The following PEX2 variants were observed in gnomAD, a reference collection of about 807,000 sequenced individuals.
PEX2 encodes peroxisome biogenesis factor 2.
In PEX2, 19 loss-of-function variants were observed where a neutral mutation model predicts 25.2. The ratio of observed to expected loss-of-function variants is 0.75; its 90% CI spans 0.53 to 1.10. PEX2 has a LOEUF of 1.10. Ranked by LOEUF, PEX2 falls within the 50% of genes least tolerant of loss-of-function variation. PEX2 has a pLI of 0.00. For missense variants in PEX2, 347 were observed against 350.6 expected (o/e 0.99, Z 0.08); for synonymous variants, 141 against 127.7 (o/e 1.10, Z -0.70).
chr8:76,989,612 C>T (rs1273486404), intron 1 of PEX2, among the ~76,000 whole-genome samples: 1 of 152,140 alleles, frequency 6.6e-6, no homozygotes. Context: ...GGCATGAAAA[C>T]ATTAATCTCC....
rs146402705 is a variant in PEX2 at position 76,984,190 on chromosome 8, AG to A, written c.-13del. On this transcript the variant is annotated 5_prime_UTR_variant, in exon 4 of 4. Coordinates refer to ENST00000357039, the MANE Select transcript of PEX2 (RefSeq NM_000318.3). ...TTTCTGGAAGCCATGTCTTCTCTGAAGGTCTCTAGGAAAAAATACAATTGAA... is the reference window on the plus strand; with the variant it reads ...TTTCTGGAAGCCATGTCTTCTCTGAAGTCTCTAGGAAAAAATACAATTGAA... The A allele has an allele frequency of 9.6e-4, 1,550 of 1,613,478 alleles. 14 individuals carry two copies. The African/African-American group carries it at 0.018, about 19-fold the overall frequency.
chr8:76,983,934 T>C lies in PEX2; in HGVS notation c.245A>G (p.Asn82Ser). The C allele has an allele frequency of 1.2e-6, 2 of 1,614,172 alleles. No individual in the cohort carries two copies. Among genetic ancestry groups the C allele is most frequent in the Non-Finnish European group, 1.7e-6 (2 of 1,180,034 alleles). The change falls in exon 4 of 4, where the codon AAT becomes AGT. Residue 82 changes from asparagine to serine, a missense_variant. Physicochemically the swap from Asn to Ser is conservative, Grantham distance 46. Transcript: ENST00000357039. ...GGAAAAATCATTTTTGTACTTAATA[T>C]TCAAAACTGACTGTCCCACTGTGGC... is the stretch of plus-strand genomic sequence containing the variant. ...KNATVGQSVLNIKYKNDFSPN... is the reference protein window; with the variant it reads ...KNATVGQSVLSIKYKNDFSPN...
chr8:76,984,188 G>A lies in PEX2; in HGVS notation c.-10C>T, dbSNP rs2132045107. The A allele has an allele frequency of 6.2e-7, 1 of 1,613,538 alleles. No individual in the cohort carries two copies. The highest frequency in any genetic ancestry group is 8.5e-7 in the Non-Finnish European group (1 of 1,179,608). ...CTTTTCTGGAAGCCATGTCTTCTCT[G>A]AAGGTCTCTAGGAAAAAATACAATT... On this transcript the variant is annotated 5_prime_UTR_variant, in exon 4 of 4. The change creates a premature stop within an existing upstream ORF in the 5' untranslated region. Coordinates refer to ENST00000357039, the MANE Select transcript of PEX2 (RefSeq NM_000318.3).
chr8:76,992,524 C>T (rs911400746), intron 1 of PEX2, among the ~76,000 whole-genome samples: 2 of 151,966 alleles, frequency 1.3e-5, no homozygotes, highest in Non-Finnish European at 2.9e-5. Flanking sequence ...ATGATGAAAT[C>T]AAAATAACTA....
intron 1 of PEX2, among the ~76,000 whole-genome samples, chr8:76,998,291 G>A (rs1807394363): frequency 6.6e-6 from 1 of 152,198 alleles, no homozygotes; most frequent in South Asian, 2.1e-4. Flanking sequence ...TACCTTTAAC[G>A]TTCAGGTACC....
chr8:76,989,813 C>A (rs1703030662), intron 1 of PEX2, among the ~76,000 whole-genome samples: 1 of 152,136 alleles, frequency 6.6e-6, no homozygotes, highest in South Asian at 2.1e-4. Flanking sequence ...GTAGTTCTAG[C>A]ATAATTCTTA....
In PEX2 at chr8:77,000,077, T is replaced by C. The variant is rs919208479; in HGVS notation, c.-247A>G. Reference sequence around the variant, plus strand: ...TTGTCTTTTCCTAGCCGAATCTGGATTACCAAGGCTTCCGGAACTCGCAGG... The same window carrying C: ...TTGTCTTTTCCTAGCCGAATCTGGACTACCAAGGCTTCCGGAACTCGCAGG... On this transcript the variant is annotated 5_prime_UTR_variant, in exon 1 of 4. Transcript: ENST00000357039. The C allele has an allele frequency of 3.2e-5, 13 of 400,746 alleles. No individual in the cohort carries two copies. The highest frequency in any genetic ancestry group is 5.4e-5 in the Non-Finnish European group (11 of 202,382). 24.8% of individuals were successfully genotyped at this position (400,746 alleles called of 1,614,324 possible).
intron 1 of PEX2, among the ~76,000 whole-genome samples, chr8:76,999,601 T>G (rs989207059): frequency 6.6e-6 from 1 of 152,192 alleles, no homozygotes; most frequent in African/African-American, 2.4e-5. Context: ...TTACATGAAC[T>G]TTCAGATATT....
chr8:76,995,260 G>C (rs1807290121), intron 1 of PEX2, among the ~76,000 whole-genome samples: 1 of 152,170 alleles, frequency 6.6e-6, no homozygotes, highest in South Asian at 2.1e-4. Flanking sequence ...TTTGGGTATA[G>C]CCAAGATATG....
At chr8:76,991,592 A>G (rs1807170395) in intron 1 of PEX2, among the ~76,000 whole-genome samples, 1 of 152,230 alleles carries the variant, frequency 6.6e-6, no homozygotes, top group Non-Finnish European at 1.5e-5. Flanking sequence ...AACATAGAAC[A>G]GACACTGTCT....
chr8:76,995,271 T>A (rs1807290484), intron 1 of PEX2, among the ~76,000 whole-genome samples: 1 of 152,254 alleles, frequency 6.6e-6, no homozygotes, highest in African/African-American at 2.4e-5. Flanking sequence ...CCAAGATATG[T>A]GAAATTTTAA....
chr8:76,997,817 G>A (rs1022132568), intron 1 of PEX2, among the ~76,000 whole-genome samples: 2 of 152,144 alleles, frequency 1.3e-5, no homozygotes, highest in Non-Finnish European at 2.9e-5. Flanking sequence ...TATCCCACAC[G>A]GAGAAAGGCA....
At chr8:76,992,941 T>C (rs941818645) in intron 1 of PEX2, among the ~76,000 whole-genome samples, 3 of 152,122 alleles carry the variant, frequency 2.0e-5, no homozygotes, top group Admixed American at 1.3e-4. Flanking sequence ...AGGAAAATGG[T>C]ATGTAAGGCA....
chr8:76,988,461 A>G (rs1807067941), intron 1 of PEX2, 123 bp from the exon 2 acceptor site: 1 of 152,256 alleles, frequency 6.6e-6, no homozygotes, highest in Non-Finnish European at 1.5e-5. Flanking sequence ...CTGTGCCTTA[A>G]AAACAATGTA....
intron 1 of PEX2, among the ~76,000 whole-genome samples, chr8:76,998,249 T>G (rs1017404127): frequency 6.6e-6 from 1 of 152,186 alleles, no homozygotes. Context: ...CTGAGCTCTT[T>G]TAATGGGTGT....
At chr8:76,997,676 A>G (rs1243412030) in intron 1 of PEX2, among the ~76,000 whole-genome samples, 1 of 152,262 alleles carries the variant, frequency 6.6e-6, no homozygotes, top group African/African-American at 2.4e-5. Flanking sequence ...ATGGAATTTT[A>G]TCTCATCTTA....
intron 1 of PEX2, among the ~76,000 whole-genome samples, chr8:76,991,314 T>C (rs2132054048): frequency 6.6e-6 from 1 of 152,248 alleles, no homozygotes; most frequent in East Asian, 1.9e-4. Flanking sequence ...TTTAACAATA[T>C]TTATTATCAA....
intron 1 of PEX2, among the ~76,000 whole-genome samples, chr8:76,994,581 ATGCATAC>A: frequency 6.6e-6 from 1 of 152,174 alleles, no homozygotes; most frequent in South Asian, 2.1e-4. Context: ...ATATTTGTCA[ATGCATAC>A]TGTCTACAAA....
chr8:76,994,658 A>G (rs1295020035), intron 1 of PEX2, among the ~76,000 whole-genome samples: 1 of 152,116 alleles, frequency 6.6e-6, no homozygotes, highest in Non-Finnish European at 1.5e-5. Flanking sequence ...ATTCTCAAGT[A>G]ATCTCTACTG....
Sources: gnomAD v4.1 joint callset for allele counts (sites outside exome capture counted in the v4.1 genomes callset) on GRCh38, gnomAD v4.1.1 for gene constraint, MANE v1.5 for transcripts, NCBI Gene and HGNC (gene_info 2026-07-23, HGNC 2026-07-21) for gene names.